The following TRPC1 variants were observed in gnomAD, a reference collection of about 807,000 sequenced individuals.
TRPC1 encodes the protein transient receptor potential cation channel subfamily C member 1, also known as short transient receptor potential channel 1.
A neutral mutation model predicts 88.2 loss-of-function variants in TRPC1; 42 were observed. The ratio of observed to expected loss-of-function variants is 0.48; its 90% CI spans 0.37 to 0.62. The LOEUF is 0.62. Among genes scored for constraint, TRPC1 ranks in the 20% least tolerant of loss-of-function variants. TRPC1 has a pLI of 0.00. For synonymous variants in TRPC1, 288 were observed against 331.8 expected, an observed-to-expected ratio of 0.87 and a Z score of 1.43; for missense variants, 699 against 957.3, an observed-to-expected ratio of 0.73 and a Z score of 3.56.
At chr3:142,727,549 C>G (rs142478540) in intron 1 of TRPC1, among the ~76,000 whole-genome samples, 25 of 152,288 alleles carry the variant, frequency 1.6e-4, no homozygotes, top group African/African-American at 5.8e-4. Flanking sequence ...GTAGTGGCCA[C>G]TTAGTAATGG....
In TRPC1 at chr3:142,736,454, T is replaced by C. The variant is rs2108021146; in HGVS notation, c.248T>C (p.Leu83Pro). 6.2e-7 allele frequency: 1 copy of C among 1,612,980 alleles called. No homozygotes were observed. The highest frequency in any genetic ancestry group is 8.5e-7 in the Non-Finnish European group (1 of 1,179,546). Residue 83 changes from leucine (L) to proline (P), a missense_variant, in exon 2 of 13, where the codon CTT becomes CCT. This residue lies in a region of TRPC1 where 157 missense variants were observed against 127.0 expected (regional missense o/e 1.24). Transcript: ENST00000476941. The part of the protein sequence containing the change: ...GDLNINCVDV[L>P]GRNAVTITIE... The stretch of plus-strand genomic sequence containing the variant: ...TTGAACATAAATTGCGTAGATGTGC[T>C]TGGGAGAAATGCTGTTACCATAACT...
At chr3:142,805,127 T>TACACAC (rs1205288304) in intron 12 of TRPC1, among the ~76,000 whole-genome samples, 11 of 120,394 alleles carry the variant, frequency 9.1e-5, no homozygotes, top group Admixed American at 7.5e-4. Context: ...CAAATATATA[T>TACACAC]ATACACACAC....
intron 2 of TRPC1, among the ~76,000 whole-genome samples, chr3:142,739,488 G>A (rs1934263516): frequency 6.6e-6 from 1 of 152,206 alleles, no homozygotes. Context: ...ACAGAGCCAT[G>A]TGCAATGTAT....
rs1209786982 is a variant in TRPC1 at position 142,763,981 on chromosome 3, TATACAC to T, written c.633-13645_633-13640del. ...AGAAATATATATATATATATATATA[TATACAC>T]ATACATACATACATATATATATATA... On this transcript the variant is annotated intron_variant, in intron 4 of 12. Transcript: ENST00000476941. Among the ~76,000 whole-genome samples the T allele has an allele frequency of 3.4e-4, 21 of 62,598 alleles. No individual in the cohort carries two copies. The African/African-American group carries it at 3.4e-3, about 10-fold the overall frequency. The allele number at this position is 62,598 out of a possible 152,430, so 41.1% of individuals were successfully genotyped here. A position where few individuals can be genotyped will look rare whatever the true frequency, so the allele number is the denominator to read the frequency against.
chr3:142,748,042 G>A (rs1449476278), intron 3 of TRPC1, among the ~76,000 whole-genome samples: 1 of 152,070 alleles, frequency 6.6e-6, no homozygotes, highest in Non-Finnish European at 1.5e-5. Context: ...GTTACCTATT[G>A]AAGATTTTGT....
chr3:142,805,520 CT>C (rs554321248), intron 12 of TRPC1, among the ~76,000 whole-genome samples: 1 of 152,120 alleles, frequency 6.6e-6, no homozygotes, highest in African/African-American at 2.4e-5. Context: ...TTTCACAAAA[CT>C]TTTATTGATA....
intron 3 of TRPC1, among the ~76,000 whole-genome samples, chr3:142,747,436 C>T (rs1056868696): frequency 2.0e-5 from 3 of 152,130 alleles, no homozygotes; most frequent in Non-Finnish European, 2.9e-5. Flanking sequence ...GTATTTTCCT[C>T]ATTTCATGCT....
intron 1 of TRPC1, among the ~76,000 whole-genome samples, chr3:142,733,372 C>T (rs1560091224): frequency 6.6e-6 from 1 of 151,958 alleles, no homozygotes; most frequent in African/African-American, 2.4e-5. Flanking sequence ...ATTAGCCGGG[C>T]GTGGTGGCAG....
chr3:142,745,794 G>T (rs939531843), intron 3 of TRPC1, among the ~76,000 whole-genome samples: 2 of 151,518 alleles, frequency 1.3e-5, no homozygotes, highest in Non-Finnish European at 2.9e-5. Context: ...CTCTTGTTTT[G>T]TTGTCCAGGC....
chr3:142,728,475 C>T (rs1474524569), intron 1 of TRPC1, among the ~76,000 whole-genome samples: 2 of 151,976 alleles, frequency 1.3e-5, no homozygotes, highest in African/African-American at 4.8e-5. Flanking sequence ...CCCACCACCA[C>T]GCCCGGCTAA....
chr3:142,781,685 A>C (rs1935962660), intron 6 of TRPC1, among the ~76,000 whole-genome samples: 1 of 152,136 alleles, frequency 6.6e-6, no homozygotes, highest in Non-Finnish European at 1.5e-5. Flanking sequence ...GAAAATATGC[A>C]TTTTAAATTT....
Position 142,794,375 on chromosome 3 carries a change from A to C in TRPC1, c.1581+1408A>C, listed in dbSNP as rs556825495. On this transcript the variant is annotated intron_variant, in intron 9 of 12. Transcript: ENST00000476941. ...TAATATTTTTTAGGAATGAAGAGTCAATTTCTGACTTCTGTTTCCAGCCAA... is the reference window on the plus strand; with the variant it reads ...TAATATTTTTTAGGAATGAAGAGTCCATTTCTGACTTCTGTTTCCAGCCAA... Among the ~76,000 whole-genome samples, 56 of 152,260 alleles carry C rather than the reference A, an allele frequency of 3.7e-4. No individual in the cohort carries two copies. In the South Asian group the frequency reaches 5.8e-3, roughly 16 times the overall value.
intron 4 of TRPC1, among the ~76,000 whole-genome samples, chr3:142,763,633 C>G (rs1293766945): frequency 6.6e-6 from 1 of 152,002 alleles, no homozygotes; most frequent in Non-Finnish European, 1.5e-5. Flanking sequence ...CATTAAGCCA[C>G]ACTATGCTTC....
intron 9 of TRPC1, among the ~76,000 whole-genome samples, chr3:142,798,467 C>T (rs936815674): frequency 1.3e-4 from 20 of 152,048 alleles, no homozygotes; most frequent in African/African-American, 4.3e-4. Flanking sequence ...AGGAAGTAGC[C>T]GGAGAGAGTC....
Position 142,806,132 on chromosome 3 carries a change from A to T in TRPC1, c.2279A>T (p.Asn760Ile). ...AGTACAGATCAGGCAACTGTGGAAA[A>T]TCTAAACGAACTGCGCCAAGATCTG... ...MQSTDQATVE[N>I]LNELRQDLSK... The change falls in exon 13 of 13, where the codon AAT becomes ATT. Residue 760 changes from asparagine (N) to isoleucine (I), a missense_variant. Physicochemically the swap from Asn to Ile is moderately radical, Grantham distance 149 (BLOSUM62 -3). Coordinates refer to ENST00000476941, the MANE Select transcript of TRPC1 (RefSeq NM_001251845.2). 6.2e-7 allele frequency: 1 copy of T among 1,613,918 alleles called. No homozygotes were observed. Among genetic ancestry groups the T allele is most frequent in the East Asian group, 2.2e-5 (1 of 44,848 alleles).
In TRPC1 at chr3:142,724,486, T is replaced by TGGGGTCGGGGTC. The variant is rs141391048; in HGVS notation, c.-63_-52dup. ...CCTTTTTCCAGCCCTGGGGCGTGGCTGGGGTCGGGGTCGGGGTCGGGGCCG... is the reference window on the plus strand; with the variant it reads ...CCTTTTTCCAGCCCTGGGGCGTGGCTGGGGTCGGGGTCGGGGTCGGGGTCGGGGTCGGGGCCG... On this transcript the variant is annotated 5_prime_UTR_variant, in exon 1 of 13. Coordinates refer to ENST00000476941, the MANE Select transcript of TRPC1 (RefSeq NM_001251845.2). This position sits in a 1 kb window ranked among gnomAD's most constrained non-coding sequence, Gnocchi z 5.6. 7.2e-6 allele frequency: 10 copies of TGGGGTCGGGGTC among 1,384,078 alleles called. No individual in the cohort carries two copies. Among genetic ancestry groups the TGGGGTCGGGGTC allele is most frequent in the Admixed American group, 3.0e-5 (1 of 32,984 alleles). The allele number at this position is 1,384,078 out of a possible 1,614,324, so 85.7% of individuals were successfully genotyped here. A position where few individuals can be genotyped will look rare whatever the true frequency, so the allele number is the denominator to read the frequency against.
chr3:142,732,930 A>G (rs370389327), intron 1 of TRPC1, among the ~76,000 whole-genome samples: 12 of 150,232 alleles, frequency 8.0e-5, no homozygotes, highest in African/African-American at 2.7e-4. Flanking sequence ...CTCTTTTTAC[A>G]TATATACTCA....
chr3:142,727,078 A>G (rs1933709068), intron 1 of TRPC1, among the ~76,000 whole-genome samples: 1 of 152,224 alleles, frequency 6.6e-6, no homozygotes, highest in African/African-American at 2.4e-5. Flanking sequence ...TGAATGAGTG[A>G]ACATCATTTG....
intron 6 of TRPC1, among the ~76,000 whole-genome samples, chr3:142,784,471 C>A (rs1325446839): frequency 1.3e-5 from 2 of 152,078 alleles, no homozygotes; most frequent in South Asian, 2.1e-4. Flanking sequence ...TGTTAAAGGT[C>A]ATTTACCAAG....
Sources: allele counts gnomAD v4.1 joint callset (sites outside exome capture counted in the v4.1 genomes callset), GRCh38; gene constraint gnomAD v4.1.1; regional missense constraint gnomAD v4.1.1; non-coding constraint Gnocchi (gnomAD v3.1); transcripts MANE v1.5; gene names NCBI Gene and HGNC (gene_info 2026-07-23, HGNC 2026-07-21).